The following SGCE variants were observed in gnomAD, a reference collection of about 807,000 sequenced individuals.
The protein encoded by SGCE is sarcoglycan epsilon, also known as epsilon-sarcoglycan.
A neutral mutation model predicts 57.8 loss-of-function variants in SGCE; 26 were observed. The observed-to-expected ratio is 0.45, with a 90% confidence interval of 0.33 to 0.62. The LOEUF is 0.62. Among genes scored for constraint, SGCE ranks in the 20% least tolerant of loss-of-function variants. SGCE has a pLI of 0.02. For missense variants in SGCE, 468 were observed against 548.6 expected, an observed-to-expected ratio of 0.85 and a Z score of 1.47; for synonymous variants, 183 against 189.5, an observed-to-expected ratio of 0.97 and a Z score of 0.28.
At chr7:94,610,442 G>A (rs544599636) in intron 5 of SGCE, among the ~76,000 whole-genome samples, 3 of 152,070 alleles carry the variant, frequency 2.0e-5, no homozygotes, top group Admixed American at 6.6e-5. Flanking sequence ...TGGGGGAGGC[G>A]ATGCAAAAGC....
intron 1 of SGCE, among the ~76,000 whole-genome samples, chr7:94,643,371 T>C (rs895179901): frequency 5.3e-5 from 8 of 152,330 alleles, no homozygotes; most frequent in Middle Eastern, 3.4e-3. Flanking sequence ...AAAAAGCAAA[T>C]TGAATTGGTG....
At chr7:94,588,965 A>G (rs1562782295) in intron 9 of SGCE, 3 of 536,464 alleles carry the variant, frequency 5.6e-6, no homozygotes, top group Admixed American at 3.1e-5. Flanking sequence ...GCTATACTCT[A>G]AAGTACCTCA....
chr7:94,607,245 T>C (rs1182899157), intron 5 of SGCE, among the ~76,000 whole-genome samples: 2 of 152,106 alleles, frequency 1.3e-5, no homozygotes, highest in South Asian at 4.1e-4. Context: ...ATGCCAACTC[T>C]CTACAATATT....
Position 94,623,414 on chromosome 7 carries a change from AC to A in SGCE, c.391-18del. 1 of 1,514,426 alleles carries A rather than the reference AC, an allele frequency of 6.6e-7. No individual in the cohort carries two copies. The highest frequency in any genetic ancestry group is 9.2e-7 in the Non-Finnish European group (1 of 1,092,582). 93.8% of individuals were successfully genotyped at this position (1,514,426 alleles called of 1,614,324 possible). A position where few individuals can be genotyped will look rare whatever the true frequency, so the allele number is the denominator to read the frequency against. ...GGCAGTTATCTATTATAAAAGGAAA[AC>A]CATATTAAAGAAGTGAAATGTTCTT... On this transcript the variant is annotated intron_variant, in intron 3 of 10. Coordinates refer to ENST00000648936, the MANE Select transcript of SGCE (RefSeq NM_003919.3).
chr7:94,613,725 C>T (rs934597132), intron 5 of SGCE, among the ~76,000 whole-genome samples: 2 of 152,058 alleles, frequency 1.3e-5, no homozygotes, highest in African/African-American at 4.8e-5. Flanking sequence ...GTATTTTTTC[C>T]TAATTGCCCA....
chr7:94,594,272 T>C (rs1798087559), intron 9 of SGCE, among the ~76,000 whole-genome samples: 1 of 152,158 alleles, frequency 6.6e-6, no homozygotes, highest in Non-Finnish European at 1.5e-5. Flanking sequence ...TACAATGTGA[T>C]TTCCAGGAAT....
intron 5 of SGCE, among the ~76,000 whole-genome samples, chr7:94,607,010 G>C (rs1800241287): frequency 6.6e-6 from 1 of 151,552 alleles, no homozygotes; most frequent in Non-Finnish European, 1.5e-5. Flanking sequence ...CATTAGAAAA[G>C]AAGAGAGATC....
At chr7:94,650,848 T>C (rs192401785) in intron 1 of SGCE, among the ~76,000 whole-genome samples, 6 of 152,348 alleles carry the variant, frequency 3.9e-5, no homozygotes, top group African/African-American at 1.2e-4. Flanking sequence ...ATGTTGACTG[T>C]TTAGTCTTCT....
At chr7:94,588,405 G>A (rs1229280031) in intron 10 of SGCE, 1 of 1,211,558 alleles carries the variant, frequency 8.3e-7, no homozygotes, top group East Asian at 4.4e-5. Context: ...GAAGAATAGG[G>A]AACTTCACTG....
chr7:94,634,367 T>C (rs1391180388), intron 1 of SGCE, among the ~76,000 whole-genome samples: 2 of 152,204 alleles, frequency 1.3e-5, no homozygotes, highest in Non-Finnish European at 2.9e-5. Flanking sequence ...TATACGGTGA[T>C]ACCCGTATGG....
chr7:94,631,030 G>A lies in SGCE; in HGVS notation c.110-1189C>T, dbSNP rs183823939. On this transcript the variant is annotated intron_variant, in intron 1 of 10. Coordinates refer to ENST00000648936, the MANE Select transcript of SGCE (RefSeq NM_003919.3). ...TAAAATATTTGACTTGTAGCTTCAC[G>A]TATCTACAGATTTACTACTAAAAAC... Among the ~76,000 whole-genome samples, 36 of 152,076 alleles carry A rather than the reference G, an allele frequency of 2.4e-4. 1 individual carries two copies. In the South Asian group the frequency reaches 2.9e-3, roughly 12 times the overall value.
At chr7:94,640,046 A>G (rs1192562205) in intron 1 of SGCE, among the ~76,000 whole-genome samples, 1 of 152,178 alleles carries the variant, frequency 6.6e-6, no homozygotes, top group African/African-American at 2.4e-5. Flanking sequence ...TAATACTGAC[A>G]ATACTTTTTC....
At chr7:94,655,930 G>A in intron 1 of SGCE, 60 bp downstream of exon 1, 1 of 1,105,106 alleles carries the variant, frequency 9.0e-7, no homozygotes. Context: ...CCCGAGCGGG[G>A]GAGGGGGAGG....
At position 94,641,139 on chromosome 7, in the gene SGCE, G is replaced by C. The variant is rs144192824; in HGVS notation, c.110-11298C>G. On this transcript the variant is annotated intron_variant, in intron 1 of 10. Coordinates refer to ENST00000648936, the MANE Select transcript of SGCE (RefSeq NM_003919.3). ...AAGAGTAACATAAGCCAACAGAAGAGAGATGTCAAGAAGGAGAGTGTGATC... is the reference window on the plus strand; with the variant it reads ...AAGAGTAACATAAGCCAACAGAAGACAGATGTCAAGAAGGAGAGTGTGATC... Among the ~76,000 whole-genome samples, 95 of 152,320 alleles carry C rather than the reference G, an allele frequency of 6.2e-4. 1 individual carries two copies. In the East Asian group the frequency reaches 0.016, roughly 25 times the overall value.
At chr7:94,610,952 C>T (rs1349299029) in intron 5 of SGCE, among the ~76,000 whole-genome samples, 1 of 152,084 alleles carries the variant, frequency 6.6e-6, no homozygotes, top group Admixed American at 6.5e-5. Context: ...AATGAGATAC[C>T]ACTTCACTTT....
chr7:94,646,312 G>A (rs1210010022), intron 1 of SGCE, among the ~76,000 whole-genome samples: 1 of 152,194 alleles, frequency 6.6e-6, no homozygotes, highest in African/African-American at 2.4e-5. Context: ...AAAATTGAGT[G>A]GAAAGTTAAA....
At chr7:94,621,149 C>A (rs553955792) in intron 4 of SGCE, 1 of 152,314 alleles carries the variant, frequency 6.6e-6, no homozygotes, top group South Asian at 2.1e-4. Context: ...TTTGTTATTT[C>A]TTTTCCTAAA....
At chr7:94,589,183 C>T (rs1006595244) in intron 9 of SGCE, 1 of 183,082 alleles carries the variant, frequency 5.5e-6, no homozygotes, top group African/African-American at 2.4e-5. Context: ...TCCCAAACAT[C>T]TGTGCTCTTT....
intron 1 of SGCE, among the ~76,000 whole-genome samples, chr7:94,634,361 C>T (rs543236692): frequency 8.5e-5 from 13 of 152,270 alleles, no homozygotes; most frequent in Non-Finnish European, 1.3e-4. Context: ...CTCTATTATA[C>T]GGTGATACCC....
Sources: allele counts gnomAD v4.1 joint callset (sites outside exome capture counted in the v4.1 genomes callset), GRCh38; gene constraint gnomAD v4.1.1; transcripts MANE v1.5; gene names NCBI Gene and HGNC (gene_info 2026-07-23, HGNC 2026-07-21).